The following ASIC2 variants were observed in gnomAD, a reference collection of about 807,000 sequenced individuals.
ASIC2 encodes acid sensing ion channel subunit 2, also known as acid-sensing ion channel 2.
Under a neutral mutation model 57.3 loss-of-function variants are expected in ASIC2, and 25 were observed. The observed-to-expected ratio is 0.44, with a 90% CI of 0.32 to 0.61. ASIC2 has a LOEUF of 0.61. Ranked by LOEUF, ASIC2 falls within the 20% of genes least tolerant of loss-of-function variation. The pLI is 0.06. For synonymous variants in ASIC2, 319 were observed against 307.5 expected, an observed-to-expected ratio of 1.04 and a Z score of -0.39; for missense variants, 641 against 738.1, an observed-to-expected ratio of 0.87 and a Z score of 1.52.
chr17:34,050,593 A>G (rs1388398921), intron 1 of ASIC2, among the ~76,000 whole-genome samples: 1 of 152,180 alleles, frequency 6.6e-6, no homozygotes, highest in African/African-American at 2.4e-5. Context: ...ACTGATATCT[A>G]TTTTTAGTTT....
At chr17:34,065,003 A>C (rs1909117937) in intron 1 of ASIC2, among the ~76,000 whole-genome samples, 1 of 152,248 alleles carries the variant, frequency 6.6e-6, no homozygotes, top group Non-Finnish European at 1.5e-5. Flanking sequence ...TAGAACTACC[A>C]TTGGATCCAG....
In ASIC2 at chr17:33,260,873, G is replaced by A. The variant is rs564120065; in HGVS notation, c.708+30535C>T. Among the ~76,000 whole-genome samples the A allele has an allele frequency of 3.3e-5, 5 of 152,324 alleles. No homozygotes were observed. In the South Asian group the frequency reaches 8.3e-4, roughly 25 times the overall value. On this transcript the variant is annotated intron_variant, in intron 1 of 9. Transcript: ENST00000225823. ...AATGAGCTTGGGCCGACCAAACGCT[G>A]GCCTCCTGCTGCCACGTAGCATGAT...
chr17:33,922,956 A>G (rs935284210), intron 1 of ASIC2, among the ~76,000 whole-genome samples: 1 of 152,132 alleles, frequency 6.6e-6, no homozygotes, highest in Non-Finnish European at 1.5e-5. Flanking sequence ...TCTAGAGCGC[A>G]TTTGCTCCAG....
chr17:33,909,791 G>C (rs1355414293), intron 1 of ASIC2, among the ~76,000 whole-genome samples: 1 of 152,156 alleles, frequency 6.6e-6, no homozygotes, highest in African/African-American at 2.4e-5. Flanking sequence ...CATCTTTTGA[G>C]AGCCTATACC....
chr17:33,355,998 G>A (rs1010892658), intron 1 of ASIC2, among the ~76,000 whole-genome samples: 1 of 152,194 alleles, frequency 6.6e-6, no homozygotes, highest in Non-Finnish European at 1.5e-5. Context: ...GCTTCCTGGA[G>A]GAAGTGACTT....
chr17:33,959,481 G>C (rs1307978579), intron 1 of ASIC2, among the ~76,000 whole-genome samples: 1 of 152,226 alleles, frequency 6.6e-6, no homozygotes, highest in Non-Finnish European at 1.5e-5. Context: ...AAGCCAGTCT[G>C]AGTTCCAAAA....
chr17:33,799,608 T>C (rs758871901), intron 1 of ASIC2, among the ~76,000 whole-genome samples: 3 of 151,158 alleles, frequency 2.0e-5, no homozygotes, highest in Admixed American at 6.6e-5. Context: ...GATCCCAGTG[T>C]GCACCTGGGT....
chr17:34,092,301 T>C (rs920385583), intron 1 of ASIC2, among the ~76,000 whole-genome samples: 14 of 152,236 alleles, frequency 9.2e-5, no homozygotes, highest in Non-Finnish European at 1.9e-4. Context: ...CCAGATGTAC[T>C]GGTTAAACCA....
At position 33,149,366 on chromosome 17, in the gene ASIC2, T is replaced by C. The variant is rs146796363; in HGVS notation, c.709-37299A>G. ...AAACATGGGTATTTTCCTATGCCCC[T>C]GAATAGTTTTTTAAAGTATAACTTT... is the stretch of plus-strand genomic sequence containing the variant. On this transcript the variant is annotated intron_variant, in intron 1 of 9. Coordinates refer to ENST00000225823, the MANE Select transcript of ASIC2 (RefSeq NM_183377.2). Among the ~76,000 whole-genome samples the C allele has an allele frequency of 4.5e-3, 688 of 152,380 alleles. 3 individuals carry two copies. The highest frequency in any genetic ancestry group is 0.026 in the South Asian group (125 of 4,830).
chr17:34,042,099 ACTATAATC>A (rs561935248), intron 1 of ASIC2, among the ~76,000 whole-genome samples: 5 of 152,364 alleles, frequency 3.3e-5, no homozygotes, highest in African/African-American at 9.6e-5. Context: ...TATGTAGAGC[ACTATAATC>A]CTCATATGCT....
At chr17:33,714,985 T>TTTATTA (rs71364615) in intron 1 of ASIC2, among the ~76,000 whole-genome samples, 13,467 of 142,140 alleles carry the variant, frequency 0.095, 696 homozygotes, top group Admixed American at 0.11. Flanking sequence ...GCCAGGCTAA[T>TTTATTA]TTATTATTAT....
At chr17:33,267,975 C>T (rs559031504) in intron 1 of ASIC2, among the ~76,000 whole-genome samples, 7 of 152,122 alleles carry the variant, frequency 4.6e-5, no homozygotes, top group East Asian at 1.9e-4. Context: ...GGGAAATTAT[C>T]GGTTCCTCAC....
chr17:33,160,157 C>T (rs935959703), intron 1 of ASIC2, among the ~76,000 whole-genome samples: 1 of 151,426 alleles, frequency 6.6e-6, no homozygotes, highest in Non-Finnish European at 1.5e-5. Context: ...TGCAGTGAGC[C>T]AAGATCGCAC....
chr17:33,664,525 G>A lies in ASIC2; in HGVS notation c.555+491453C>T, dbSNP rs190717097. 1.6e-3 allele frequency among the ~76,000 whole-genome samples: 245 copies of A among 152,242 alleles called. 1 individual carries two copies. Among genetic ancestry groups the A allele is most frequent in the South Asian group, 3.1e-3 (15 of 4,816 alleles). On this transcript the variant is annotated intron_variant, in intron 1 of 9. Transcript: ENST00000359872. ...TGAGAATTCCCATTGACATTACTCT[G>A]ATCTAAAAATGTAAAATTAAGCCTC... is the stretch of plus-strand genomic sequence containing the variant.
intron 1 of ASIC2, among the ~76,000 whole-genome samples, chr17:33,943,023 C>A (rs1031347380): frequency 2.6e-5 from 4 of 152,184 alleles, no homozygotes; most frequent in Non-Finnish European, 4.4e-5. Context: ...AACAAAATCT[C>A]ATTTAATCTC....
chr17:33,724,787 G>A (rs1208027396), intron 1 of ASIC2, among the ~76,000 whole-genome samples: 1 of 152,032 alleles, frequency 6.6e-6, no homozygotes, highest in Non-Finnish European at 1.5e-5. Flanking sequence ...GACTAATTGA[G>A]TTTGTATTAA....
intron 1 of ASIC2, among the ~76,000 whole-genome samples, chr17:33,646,025 G>A (rs1218379457): frequency 6.6e-6 from 1 of 152,110 alleles, no homozygotes; most frequent in Admixed American, 6.5e-5. Context: ...GTAGAGCTGG[G>A]ATCCAAATGC....
intron 1 of ASIC2, among the ~76,000 whole-genome samples, chr17:34,153,014 T>C (rs533794392): frequency 1.3e-5 from 2 of 152,332 alleles, no homozygotes; most frequent in African/African-American, 4.8e-5. Flanking sequence ...CCTGTTTACA[T>C]TGTAGTCAGC....
intron 1 of ASIC2, among the ~76,000 whole-genome samples, chr17:34,152,577 C>T (rs781199123): frequency 6.6e-5 from 10 of 152,242 alleles, no homozygotes; most frequent in South Asian, 6.2e-4. Flanking sequence ...GTGAATAGCC[C>T]GACTACTAAT....
Sources: allele counts gnomAD v4.1 joint callset (sites outside exome capture counted in the v4.1 genomes callset), GRCh38; gene constraint gnomAD v4.1.1; transcripts MANE v1.5; gene names NCBI Gene and HGNC (gene_info 2026-07-23, HGNC 2026-07-21).